Variants in DCLK1 observed in about 807,000 individuals in gnomAD.
DCLK1 encodes the protein doublecortin like kinase 1, also known as serine/threonine-protein kinase DCLK1.
A neutral mutation model predicts 86.2 loss-of-function variants in DCLK1; 16 were observed. The observed-to-expected ratio is 0.19, with a 90% CI of 0.13 to 0.28. The LOEUF is 0.28. DCLK1 is among the 10% of genes least tolerant of loss of function. The pLI is 1.00. For synonymous variants in DCLK1, 369 were observed against 370.5 expected, an observed-to-expected ratio of 1.00 and a Z score of 0.05; for missense variants, 590 against 940.2, an observed-to-expected ratio of 0.63 and a Z score of 4.87.
At chr13:36,040,029 A>G (rs968272438) in intron 3 of DCLK1, among the ~76,000 whole-genome samples, 3 of 151,874 alleles carry the variant, frequency 2.0e-5, no homozygotes, top group African/African-American at 7.3e-5. Context: ...CCTGAGTTCA[A>G]GTGACCTCCA....
intron 4 of DCLK1, among the ~76,000 whole-genome samples, chr13:35,946,045 C>A (rs1229585108): frequency 6.6e-6 from 1 of 152,158 alleles, no homozygotes. Context: ...CAGGGTCTTG[C>A]TCTATCGCCC....
At chr13:35,909,184 T>C (rs985026404) in intron 4 of DCLK1, among the ~76,000 whole-genome samples, 1 of 152,028 alleles carries the variant, frequency 6.6e-6, no homozygotes, top group African/African-American at 2.4e-5. Flanking sequence ...AGAAATGAGG[T>C]GGCTGTAGGT....
intron 5 of DCLK1, among the ~76,000 whole-genome samples, chr13:35,854,835 A>G (rs1311775981): frequency 1.3e-5 from 2 of 152,182 alleles, no homozygotes; most frequent in Non-Finnish European, 2.9e-5. Flanking sequence ...TGTACCTTTC[A>G]CAACTTTCCT....
At chr13:35,925,346 T>A (rs887683535) in intron 4 of DCLK1, among the ~76,000 whole-genome samples, 9 of 152,208 alleles carry the variant, frequency 5.9e-5, no homozygotes, top group African/African-American at 2.2e-4. Flanking sequence ...AATTCAGAGT[T>A]TTGATGCTGG....
chr13:35,948,321 G>A (rs1230523039), intron 3 of DCLK1, among the ~76,000 whole-genome samples: 1 of 152,174 alleles, frequency 6.6e-6, no homozygotes, highest in African/African-American at 2.4e-5. Flanking sequence ...CCACTTGGAC[G>A]AATCATAAGA....
chr13:36,057,622 C>A (rs940273082), intron 3 of DCLK1, among the ~76,000 whole-genome samples: 4 of 152,158 alleles, frequency 2.6e-5, no homozygotes, highest in Admixed American at 1.3e-4. Flanking sequence ...TGTGAGACAC[C>A]CATGAAAAAT....
At chr13:35,862,607 T>A (rs1035667894) in intron 5 of DCLK1, among the ~76,000 whole-genome samples, 2 of 152,182 alleles carry the variant, frequency 1.3e-5, no homozygotes, top group African/African-American at 4.8e-5. Context: ...ACAAACATAC[T>A]TCCACGACCC....
chr13:35,861,430 T>C (rs1039801373), intron 5 of DCLK1, among the ~76,000 whole-genome samples: 2 of 152,184 alleles, frequency 1.3e-5, no homozygotes, highest in African/African-American at 4.8e-5. Flanking sequence ...TACCAACCAA[T>C]CGCTGCAGGA....
chr13:35,982,068 T>G (rs1377882411), intron 3 of DCLK1, among the ~76,000 whole-genome samples: 1 of 152,228 alleles, frequency 6.6e-6, no homozygotes, highest in Non-Finnish European at 1.5e-5. Context: ...TTGAGAGCTC[T>G]AATTATAAAA....
intron 3 of DCLK1, among the ~76,000 whole-genome samples, chr13:36,045,340 A>ATCTATCTATC (rs765084884): frequency 1.0e-5 from 1 of 97,002 alleles, no homozygotes; most frequent in East Asian, 3.0e-4. Flanking sequence ...GTGTATATAT[A>ATCTATCTATC]TATATATATA....
intron 3 of DCLK1, among the ~76,000 whole-genome samples, chr13:36,065,869 A>T (rs1883729020): frequency 6.6e-6 from 1 of 152,248 alleles, no homozygotes; most frequent in Admixed American, 6.5e-5. Flanking sequence ...AGGATATAAA[A>T]TTAAATATAT....
chr13:35,896,051 T>C (rs1437699744), intron 4 of DCLK1, among the ~76,000 whole-genome samples: 1 of 152,140 alleles, frequency 6.6e-6, no homozygotes, highest in Admixed American at 6.5e-5. Flanking sequence ...TTGACATCAT[T>C]ATTCAGGAAA....
At chr13:36,002,790 A>G (rs1007506437) in intron 3 of DCLK1, among the ~76,000 whole-genome samples, 2 of 152,220 alleles carry the variant, frequency 1.3e-5, no homozygotes, top group African/African-American at 4.8e-5. Context: ...ACATGATTTG[A>G]CTAATTGTTT....
intron 4 of DCLK1, among the ~76,000 whole-genome samples, chr13:35,886,988 G>A (rs1203138657): frequency 6.6e-6 from 1 of 152,200 alleles, no homozygotes; most frequent in East Asian, 1.9e-4. Flanking sequence ...CTACTCTGCT[G>A]AGAAAGCAAC....
At chr13:35,880,007 G>C (rs1241976914) in intron 4 of DCLK1, among the ~76,000 whole-genome samples, 1 of 152,114 alleles carries the variant, frequency 6.6e-6, no homozygotes, top group Admixed American at 6.6e-5. Flanking sequence ...TTTCCCAGAG[G>C]GGCCCTCAAT....
chr13:35,770,805 G>A lies in DCLK1; in HGVS notation c.*3730C>T, dbSNP rs1394608635. ...AAATTCTGAAATCACTATTAAGGAG[G>A]GACCATACCAGATTTTTTTGTTGTT... On this transcript the variant is annotated 3_prime_UTR_variant, in exon 17 of 17. Coordinates refer to ENST00000360631, the MANE Select transcript of DCLK1 (RefSeq NM_001330071.2). 5 of 152,100 alleles carry A rather than the reference G, an allele frequency of 3.3e-5. No individual in the cohort carries two copies. The highest frequency in any genetic ancestry group is 7.3e-5 in the Non-Finnish European group (5 of 68,028). 9.4% of individuals were successfully genotyped at this position (152,100 alleles called of 1,614,324 possible).
chr13:35,895,023 T>G (rs1241932900), intron 4 of DCLK1, among the ~76,000 whole-genome samples: 1 of 152,210 alleles, frequency 6.6e-6, no homozygotes, highest in Admixed American at 6.5e-5. Flanking sequence ...CATGGCTCAC[T>G]GCAACCTCAA....
At chr13:35,910,106 C>T (rs1874925989) in intron 4 of DCLK1, among the ~76,000 whole-genome samples, 1 of 152,136 alleles carries the variant, frequency 6.6e-6, no homozygotes, top group African/African-American at 2.4e-5. Flanking sequence ...TCTCCAGCTC[C>T]TCTAAGTTGA....
At chr13:35,834,531 T>G (rs1869212420) in intron 8 of DCLK1, among the ~76,000 whole-genome samples, 1 of 152,228 alleles carries the variant, frequency 6.6e-6, no homozygotes. Flanking sequence ...ATACTGATAT[T>G]ATGAAAGTAT....
Sources: gnomAD v4.1 joint callset for allele counts (sites outside exome capture counted in the v4.1 genomes callset) on GRCh38, gnomAD v4.1.1 for gene constraint, MANE v1.5 for transcripts, NCBI Gene and HGNC (gene_info 2026-07-23, HGNC 2026-07-21) for gene names.